Variants in NBAS observed in about 807,000 individuals in gnomAD.
The protein encoded by NBAS is NBAS subunit of NRZ tethering complex, also known as NAG/BC035112 fusion.
Under a neutral mutation model 302.5 loss-of-function variants are expected in NBAS, and 219 were observed. The observed-to-expected ratio is 0.72, with a 90% CI of 0.65 to 0.81. NBAS has a LOEUF of 0.81. NBAS is among the 30% of genes least tolerant of loss of function. The pLI is 0.00. For synonymous variants in NBAS, 1,118 were observed against 1,021.6 expected (o/e 1.09, Z -1.80); for missense variants, 2,932 against 2,841.6 (o/e 1.03, Z -0.72).
chr2:15,048,278 A>C, the NBAS span, among the ~76,000 whole-genome samples: 52 of 152,362 alleles, frequency 3.4e-4, no homozygotes, highest in Admixed American at 1.8e-3. Context: ...CTTCCAGTCC[A>C]TCCGTGCCGG....
At chr2:15,064,007 A>C in the NBAS span, among the ~76,000 whole-genome samples, 1 of 152,184 alleles carries the variant, frequency 6.6e-6, no homozygotes, top group Non-Finnish European at 1.5e-5. Flanking sequence ...CAGAAGAAAG[A>C]GGGCAGTAGA....
chr2:15,538,336 G>A (rs1428064754), intron 7 of NBAS: 3 of 483,746 alleles, frequency 6.2e-6, no homozygotes, highest in South Asian at 1.6e-5. Flanking sequence ...CCCAGAATAT[G>A]AGCACAACAC....
At chr2:15,133,325 G>A in the NBAS span, among the ~76,000 whole-genome samples, 3 of 151,704 alleles carry the variant, frequency 2.0e-5, no homozygotes, top group African/African-American at 7.3e-5. Context: ...CATAGCGGGG[G>A]GGGGGCAGGG....
At chr2:15,066,305 C>T in the NBAS span, among the ~76,000 whole-genome samples, 42 of 152,252 alleles carry the variant, frequency 2.8e-4, 1 homozygote, top group East Asian at 6.2e-3. Flanking sequence ...ACATTGATCT[C>T]GGCAATTATT....
At chr2:15,266,487 C>G (rs1281133370) in intron 44 of NBAS, among the ~76,000 whole-genome samples, 1 of 152,160 alleles carries the variant, frequency 6.6e-6, no homozygotes, top group Non-Finnish European at 1.5e-5. Context: ...TTGGGAGAAA[C>G]CGACAGGATC....
chr2:15,038,237 T>C, the NBAS span, among the ~76,000 whole-genome samples: 2 of 151,724 alleles, frequency 1.3e-5, no homozygotes, highest in South Asian at 2.1e-4. Context: ...CTCAGCTTCC[T>C]GAGTAGCTGG....
chr2:15,546,633 CA>C (rs893771572), intron 6 of NBAS, among the ~76,000 whole-genome samples: 9 of 152,176 alleles, frequency 5.9e-5, no homozygotes, highest in African/African-American at 2.2e-4. Context: ...GAGTCTGAGG[CA>C]GGAGAATCAC....
the NBAS span, among the ~76,000 whole-genome samples, chr2:15,029,999 T>C: frequency 6.6e-6 from 1 of 152,128 alleles, no homozygotes; most frequent in African/African-American, 2.4e-5. Flanking sequence ...TTTCAAAAAA[T>C]GTTAGTAATT....
intron 47 of NBAS, among the ~76,000 whole-genome samples, chr2:15,221,915 G>A (rs182265813): frequency 1.3e-5 from 2 of 152,282 alleles, no homozygotes; most frequent in East Asian, 1.9e-4. Flanking sequence ...AGGCTCTGGT[G>A]GTGTTTGGCC....
the NBAS span, among the ~76,000 whole-genome samples, chr2:14,886,137 A>G: frequency 6.6e-6 from 1 of 152,120 alleles, no homozygotes; most frequent in Non-Finnish European, 1.5e-5. Flanking sequence ...ATTGCCCTCA[A>G]GATAAGCTCA....
chr2:14,951,241 T>C, the NBAS span, among the ~76,000 whole-genome samples: 1 of 152,176 alleles, frequency 6.6e-6, no homozygotes, highest in Non-Finnish European at 1.5e-5. Flanking sequence ...GGTGGAGCTA[T>C]CCAAATGAGG....
chr2:15,218,433 T>C (rs1184422776), intron 48 of NBAS, among the ~76,000 whole-genome samples: 1 of 152,178 alleles, frequency 6.6e-6, no homozygotes, highest in Admixed American at 6.5e-5. Flanking sequence ...TGTTTTTTTC[T>C]TTTTCTTTTG....
At chr2:15,071,170 C>G in the NBAS span, among the ~76,000 whole-genome samples, 2 of 152,194 alleles carry the variant, frequency 1.3e-5, no homozygotes, top group African/African-American at 2.4e-5. Flanking sequence ...GACCTATGCT[C>G]GGTAAGACTA....
chr2:14,786,345 A>G, the NBAS span, among the ~76,000 whole-genome samples: 1 of 151,580 alleles, frequency 6.6e-6, no homozygotes, highest in Non-Finnish European at 1.5e-5. Context: ...GATTTTAGTT[A>G]TTTCTTGCCT....
chr2:15,509,818 G>T (rs1350730354), intron 10 of NBAS, among the ~76,000 whole-genome samples: 1 of 151,550 alleles, frequency 6.6e-6, no homozygotes, highest in Non-Finnish European at 1.5e-5. Flanking sequence ...AGGTAACATG[G>T]TAAACCCAAG....
At chr2:15,294,711 A>C (rs977913230) in intron 40 of NBAS, among the ~76,000 whole-genome samples, 5 of 152,020 alleles carry the variant, frequency 3.3e-5, no homozygotes, top group African/African-American at 1.2e-4. Flanking sequence ...CCCAGTTGTA[A>C]AGACAGCAAG....
chr2:14,787,788 C>A, the NBAS span, among the ~76,000 whole-genome samples: 11,406 of 152,182 alleles, frequency 0.075, 514 homozygotes, highest in African/African-American at 0.13. Context: ...GTGAATCTGA[C>A]AATTATGTGT....
chr2:15,482,640 G>A (rs903754786), intron 12 of NBAS, among the ~76,000 whole-genome samples: 24 of 151,680 alleles, frequency 1.6e-4, no homozygotes, highest in Non-Finnish European at 7.4e-5. Context: ...CAAAATCCTG[G>A]AACAACTGAC....
the NBAS span, among the ~76,000 whole-genome samples, chr2:15,148,472 T>C: frequency 1.9e-4 from 29 of 152,054 alleles, no homozygotes; most frequent in African/African-American, 6.8e-4. Flanking sequence ...GAGAACAAGA[T>C]AGAGAAACAA....
Sources: gnomAD v4.1 joint callset for allele counts (sites outside exome capture counted in the v4.1 genomes callset) on GRCh38, gnomAD v4.1.1 for gene constraint, MANE v1.5 for transcripts, NCBI Gene and HGNC (gene_info 2026-07-23, HGNC 2026-07-21) for gene names.